The following NALF1 variants were observed in gnomAD, a reference collection of about 807,000 sequenced individuals.
NALF1 encodes the protein family with sequence similarity 155 member A.
Under a neutral mutation model 48.4 loss-of-function variants are expected in NALF1, and 3 were observed. That is an observed-to-expected ratio of 0.06 (90% CI 0.03 to 0.16). NALF1 has a LOEUF of 0.16. Among genes scored for constraint, NALF1 ranks in the 10% least tolerant of loss-of-function variants. NALF1 has a pLI of 1.00. For missense variants in NALF1, 526 were observed against 571.5 expected (o/e 0.92, Z 0.81); for synonymous variants, 262 against 245.7 (o/e 1.07, Z -0.62).
intron 1 of NALF1, among the ~76,000 whole-genome samples, chr13:107,578,094 C>T (rs542393909): frequency 9.2e-5 from 14 of 152,256 alleles, no homozygotes; most frequent in African/African-American, 2.9e-4. Flanking sequence ...CTTGCCTCCT[C>T]GTTTTACTCA....
chr13:107,599,044 T>C (rs1055936493), intron 1 of NALF1, among the ~76,000 whole-genome samples: 7 of 152,218 alleles, frequency 4.6e-5, no homozygotes, highest in African/African-American at 1.7e-4. Flanking sequence ...GAGTTTGTCC[T>C]AAGTTATTTT....
At chr13:107,410,946 C>T (rs1313187474) in intron 1 of NALF1, among the ~76,000 whole-genome samples, 1 of 152,094 alleles carries the variant, frequency 6.6e-6, no homozygotes, top group Non-Finnish European at 1.5e-5. Context: ...CTCAGATTTT[C>T]AATAATAGTA....
chr13:107,316,447 G>A (rs776265906), intron 1 of NALF1, among the ~76,000 whole-genome samples: 5 of 152,176 alleles, frequency 3.3e-5, no homozygotes, highest in Admixed American at 6.5e-5. Context: ...GGTATTTCTC[G>A]TTCTAGATCC....
intron 1 of NALF1, among the ~76,000 whole-genome samples, chr13:107,816,114 G>C (rs1879155906): frequency 6.6e-6 from 1 of 152,138 alleles, no homozygotes; most frequent in African/African-American, 2.4e-5. Flanking sequence ...CAGGGAAAGA[G>C]GAGACTTGAG....
At chr13:107,321,629 G>C (rs1032125697) in intron 1 of NALF1, among the ~76,000 whole-genome samples, 5 of 152,024 alleles carry the variant, frequency 3.3e-5, no homozygotes, top group Non-Finnish European at 7.4e-5. Context: ...CTGAACTTTG[G>C]TTTCCACCAA....
chr13:107,435,888 AC>A (rs1260513065), intron 1 of NALF1, among the ~76,000 whole-genome samples: 1 of 152,056 alleles, frequency 6.6e-6, no homozygotes, highest in Non-Finnish European at 1.5e-5. Context: ...AACCTACTTA[AC>A]CTGGGGCTGA....
chr13:107,192,023 G>C (rs1429767693), intron 2 of NALF1, among the ~76,000 whole-genome samples: 3 of 151,374 alleles, frequency 2.0e-5, no homozygotes, highest in Non-Finnish European at 4.4e-5. Context: ...AGGAAAAGAA[G>C]AATGTGCATG....
intron 1 of NALF1, among the ~76,000 whole-genome samples, chr13:107,548,441 T>A (rs1877198088): frequency 6.6e-6 from 1 of 152,142 alleles, no homozygotes; most frequent in Non-Finnish European, 1.5e-5. Flanking sequence ...TCTGCATGCA[T>A]GTGTCTTTAG....
chr13:107,300,976 A>G (rs1011893058), intron 1 of NALF1, among the ~76,000 whole-genome samples: 1 of 152,252 alleles, frequency 6.6e-6, no homozygotes, highest in South Asian at 2.1e-4. Flanking sequence ...GCATTCTTAA[A>G]TCTATCAGGT....
chr13:107,306,146 C>T (rs968527468), intron 1 of NALF1, among the ~76,000 whole-genome samples: 3 of 151,864 alleles, frequency 2.0e-5, no homozygotes, highest in Non-Finnish European at 4.4e-5. Flanking sequence ...TAAAATTATC[C>T]CACAGTAATT....
At chr13:107,850,058 G>A (rs1880269803) in intron 1 of NALF1, among the ~76,000 whole-genome samples, 1 of 152,152 alleles carries the variant, frequency 6.6e-6, no homozygotes, top group African/African-American at 2.4e-5. Context: ...AAAAATAAAT[G>A]TAAAATTGTG....
In NALF1 at chr13:107,340,362, A is replaced by G. The variant is rs566024316; in HGVS notation, c.916-129607T>C. On this transcript the variant is annotated intron_variant, in intron 1 of 2. Transcript: ENST00000375915. Reference sequence around the variant, plus strand: ...CACCATATTAGCCCAGCTGGTCACAAACTCCTGACCTGAAGTGATCCGTTC... The same window carrying G: ...CACCATATTAGCCCAGCTGGTCACAGACTCCTGACCTGAAGTGATCCGTTC... Among the ~76,000 whole-genome samples the G allele has an allele frequency of 9.2e-5, 14 of 151,766 alleles. No homozygotes were observed. The East Asian group carries it at 2.3e-3, about 25-fold the overall frequency.
rs1880764406 is a variant in NALF1 at position 107,867,185 on chromosome 13, T to C, written c.-589A>G. On this transcript the variant is annotated 5_prime_UTR_variant, in exon 1 of 3. Transcript: ENST00000375915. The surrounding 1 kb of genome is among the most constrained non-coding windows in gnomAD (Gnocchi z 4.4). ...TTCCTCCTCCTTCCTTTCCTTCTCC[T>C]TCTTCTTCTCCTCCGCCTCCCGCTC... Among the ~76,000 whole-genome samples, 2 of 151,296 alleles carry C rather than the reference T, an allele frequency of 1.3e-5. No individual in the cohort carries two copies. Among genetic ancestry groups the C allele is most frequent in the Admixed American group, 6.6e-5 (1 of 15,234 alleles).
At chr13:107,721,165 T>C (rs1875975016) in intron 1 of NALF1, among the ~76,000 whole-genome samples, 1 of 151,592 alleles carries the variant, frequency 6.6e-6, no homozygotes, top group Non-Finnish European at 1.5e-5. Flanking sequence ...GAAATAATCA[T>C]AACTCTCATT....
chr13:107,684,202 T>A (rs1211172404), intron 1 of NALF1, among the ~76,000 whole-genome samples: 1 of 152,204 alleles, frequency 6.6e-6, no homozygotes, highest in African/African-American at 2.4e-5. Context: ...CCCCAGCTCA[T>A]CACTTCACAA....
intron 1 of NALF1, among the ~76,000 whole-genome samples, chr13:107,413,225 T>G (rs1460520039): frequency 6.6e-6 from 1 of 152,180 alleles, no homozygotes; most frequent in African/African-American, 2.4e-5. Context: ...TAGATGTTTA[T>G]GTACTAATAT....
chr13:107,228,124 T>C (rs1880142951), intron 1 of NALF1, among the ~76,000 whole-genome samples: 1 of 152,234 alleles, frequency 6.6e-6, no homozygotes, highest in African/African-American at 2.4e-5. Flanking sequence ...ATTGTATCAA[T>C]GGAGGTTAAT....
intron 1 of NALF1, among the ~76,000 whole-genome samples, chr13:107,744,056 G>A (rs1876711147): frequency 6.6e-6 from 1 of 152,158 alleles, no homozygotes; most frequent in Admixed American, 6.5e-5. Context: ...CAGTCTGGAT[G>A]AAAAAGAAAA....
chr13:107,314,553 C>T (rs566780144), intron 1 of NALF1, among the ~76,000 whole-genome samples: 1 of 152,226 alleles, frequency 6.6e-6, no homozygotes, highest in Non-Finnish European at 1.5e-5. Flanking sequence ...CATGACCCTC[C>T]CTTGAATAGA....
Sources: gnomAD v4.1 joint callset for allele counts (sites outside exome capture counted in the v4.1 genomes callset) on GRCh38, gnomAD v4.1.1 for gene constraint, Gnocchi (gnomAD v3.1) non-coding constraint, MANE v1.5 for transcripts, NCBI Gene and HGNC (gene_info 2026-07-23, HGNC 2026-07-21) for gene names.